The following FOCAD variants were observed in gnomAD, a reference collection of about 807,000 sequenced individuals.
FOCAD encodes KIAA1797.
A neutral mutation model predicts 225.6 loss-of-function variants in FOCAD; 198 were observed. The observed-to-expected ratio is 0.88, with a 90% confidence interval of 0.78 to 0.99. The LOEUF (loss-of-function observed/expected upper bound fraction) is 0.99, where lower values mean the gene tolerates loss of function less well. FOCAD is among the 50% of genes least tolerant of loss of function. The pLI, the probability that FOCAD is intolerant of heterozygous loss-of-function variation, is 0.00. For missense variants in FOCAD, 2,713 were observed against 2,123.6 expected, an observed-to-expected ratio of 1.28 and a Z score of -5.46; for synonymous variants, 897 against 755.0, an observed-to-expected ratio of 1.19 and a Z score of -3.08.
At position 20,819,856 on chromosome 9, in the gene FOCAD, T is replaced by C. The variant is rs2131410659; in HGVS notation, c.1516T>C (p.Tyr506His). Residue 506 changes from tyrosine (Y) to histidine (H), a missense_variant, in exon 12 of 44, where the codon TAT (tyrosine) becomes CAT (histidine). By Grantham distance (83) the Tyr-to-His change is moderately conservative. Transcript: ENST00000338382. ...KLGRPLEPIL[Y>H]NDILYTLPKL... is the part of the protein sequence containing the mutation. The stretch of plus-strand genomic sequence containing the variant: ...GGGAAGACCACTGGAACCTATATTA[T>C]ATAATGATATATTGTATACTTTACC... 5 of 1,550,358 alleles carry C rather than the reference T, an allele frequency of 3.2e-6. No individual in the cohort carries two copies. The highest frequency in any genetic ancestry group is 2.4e-5 in the East Asian group (1 of 42,154).
intron 2 of FOCAD, among the ~76,000 whole-genome samples, chr9:20,667,927 T>C (rs997868156): frequency 6.7e-6 from 1 of 149,178 alleles, no homozygotes; most frequent in African/African-American, 2.5e-5. Flanking sequence ...TGAATCATAA[T>C]TTTTTTTTTA....
rs368792149 is a variant in FOCAD at position 20,767,226 on chromosome 9, T to G, written c.699+2153T>G. ...CATTTTCTTAATCCAGTCTATCATTTTTGGACATTTGGGTTGGTTCCAAGT... is the reference window on the plus strand; with the variant it reads ...CATTTTCTTAATCCAGTCTATCATTGTTGGACATTTGGGTTGGTTCCAAGT... On this transcript the variant is annotated intron_variant, in intron 7 of 43. Coordinates refer to ENST00000338382, the MANE Select transcript of FOCAD (RefSeq NM_001375567.1). Among the ~76,000 whole-genome samples, 37 of 150,792 alleles carry G rather than the reference T, an allele frequency of 2.5e-4. 1 individual carries two copies. Among genetic ancestry groups the G allele is most frequent in the Admixed American group, 7.3e-4 (11 of 15,068 alleles).
chr9:20,959,248 G>A (rs2132443565), intron 35 of FOCAD, among the ~76,000 whole-genome samples: 1 of 152,222 alleles, frequency 6.6e-6, no homozygotes, highest in South Asian at 2.1e-4. Context: ...TGACTGGGGA[G>A]AGATGATATC....
At chr9:20,848,044 T>A (rs912823980) in intron 15 of FOCAD, among the ~76,000 whole-genome samples, 1 of 152,028 alleles carries the variant, frequency 6.6e-6, no homozygotes, top group Admixed American at 6.6e-5. Flanking sequence ...AAACTTTCTC[T>A]CTGCTCTCTG....
intron 22 of FOCAD, among the ~76,000 whole-genome samples, chr9:20,909,363 C>G (rs1331435313): frequency 6.6e-6 from 1 of 152,062 alleles, no homozygotes; most frequent in African/African-American, 2.4e-5. Flanking sequence ...AATACAGGAA[C>G]TTAACCTGAC....
At chr9:20,670,667 G>A (rs1248314504) in intron 2 of FOCAD, among the ~76,000 whole-genome samples, 1 of 152,180 alleles carries the variant, frequency 6.6e-6, no homozygotes, top group Non-Finnish European at 1.5e-5. Flanking sequence ...GACCATTTGA[G>A]ATGAGCTTTG....
rs151005243 is a variant in FOCAD, at chr9:20,967,947, A to G, written c.4133-8473A>G. ...CTGGTTTTCCTTTTTTATGATGTCT[A>G]TGATATCAGGATAATGCTGATCTCT... is the stretch of plus-strand genomic sequence containing the variant. On this transcript the variant is annotated intron_variant, in intron 35 of 43. Coordinates refer to ENST00000338382, the MANE Select transcript of FOCAD (RefSeq NM_001375567.1). Among the ~76,000 whole-genome samples, 209 of 152,238 alleles carry G rather than the reference A, an allele frequency of 1.4e-3. 1 individual carries two copies. Among genetic ancestry groups the G allele is most frequent in the African/African-American group, 4.7e-3 (194 of 41,532 alleles).
chr9:20,957,388 AT>A (rs1321649039), intron 35 of FOCAD: 2 of 150,728 alleles, frequency 1.3e-5, no homozygotes, highest in Non-Finnish European at 2.9e-5. Flanking sequence ...ACTATAGAAT[AT>A]TTCATCAAAT....
chr9:20,906,581 A>G (rs530356195), intron 21 of FOCAD, among the ~76,000 whole-genome samples: 2 of 152,020 alleles, frequency 1.3e-5, no homozygotes, highest in East Asian at 1.9e-4. Context: ...TGGTATATAT[A>G]ATTTGTCTCT....
intron 2 of FOCAD, among the ~76,000 whole-genome samples, chr9:20,670,402 T>A (rs540135921): frequency 6.6e-6 from 1 of 152,216 alleles, no homozygotes; most frequent in Non-Finnish European, 1.5e-5. Context: ...ACAAAAGAAG[T>A]TTGATTGATA....
Position 20,706,397 on chromosome 9 carries a change from A to G in FOCAD, c.-32-8925A>G, listed in dbSNP as rs185036455. On this transcript the variant is annotated intron_variant, in intron 1 of 43. Coordinates refer to ENST00000338382, the MANE Select transcript of FOCAD (RefSeq NM_001375567.1). ...ACTAAATTGTAAAGGCAGGAATTTGATAGAATTCATTGTACTTTTATTAAA... is the reference window on the plus strand; with the variant it reads ...ACTAAATTGTAAAGGCAGGAATTTGGTAGAATTCATTGTACTTTTATTAAA... Among the ~76,000 whole-genome samples the G allele has an allele frequency of 9.7e-4, 147 of 152,326 alleles. 1 individual carries two copies. Among genetic ancestry groups the G allele is most frequent in the Middle Eastern group, 3.4e-3 (1 of 294 alleles).
At position 20,765,070 on chromosome 9, in the gene FOCAD, G is replaced by T; in HGVS notation, c.696G>T (p.Leu232Phe). 6.2e-7 allele frequency: 1 copy of T among 1,612,070 alleles called. No individual in the cohort carries two copies. The highest frequency in any genetic ancestry group is 1.1e-5 in the South Asian group (1 of 90,666). The change falls in exon 7 of 44, where the codon TTG becomes TTT. Residue 232 changes from leucine (L) to phenylalanine (F), a missense_variant. Physicochemically the swap from Leu to Phe is conservative, Grantham distance 22 (BLOSUM62 0). Transcript: ENST00000338382. ...TGTGTTGTGACATAGTTCCATGTTT[G>T]CAGGTAAGGTCTTTGTCCTCCTCCA... Reference protein sequence around the residue: ...LQLCCDIVPCLQVKDLIQTTE... With the variant: ...LQLCCDIVPCFQVKDLIQTTE...
At position 20,944,754 on chromosome 9, in the gene FOCAD, C is replaced by T. The variant is rs1837018464; in HGVS notation, c.3535C>T (p.Gln1179Ter). ...TGCGCACGTAGATGACAGCGGGAGC[C>T]AGAGCAGAACGTTTCAGGAGGTAAG... ...LSAHVDDSGS[Q>*]SRTFQEVLAY... is the part of the protein sequence containing the mutation. Residue 1179 changes from glutamine to a stop codon, truncating the protein, a stop_gained, in exon 29 of 44, where the codon CAG becomes TAG. Coordinates refer to ENST00000338382, the MANE Select transcript of FOCAD (RefSeq NM_001375567.1). LOFTEE classifies it high-confidence loss of function. 3 of 1,612,980 alleles carry T rather than the reference C, an allele frequency of 1.9e-6. No homozygotes were observed. Among genetic ancestry groups the T allele is most frequent in the Non-Finnish European group, 2.5e-6 (3 of 1,179,288 alleles).
intron 2 of FOCAD, among the ~76,000 whole-genome samples, chr9:20,665,326 G>A (rs938839581): frequency 2.0e-5 from 3 of 152,126 alleles, no homozygotes; most frequent in Admixed American, 1.3e-4. Flanking sequence ...CTGGGAGGCA[G>A]TGACTCCCAG....
intron 35 of FOCAD, among the ~76,000 whole-genome samples, chr9:20,959,129 G>T (rs1838468134): frequency 1.3e-5 from 2 of 152,036 alleles, no homozygotes; most frequent in Non-Finnish European, 2.9e-5. Context: ...TTTATAGTGG[G>T]TATACTAGTT....
chr9:20,965,493 A>C (rs1198884553), intron 35 of FOCAD, among the ~76,000 whole-genome samples: 1 of 152,120 alleles, frequency 6.6e-6, no homozygotes, highest in East Asian at 1.9e-4. Context: ...TTTTCTTCTA[A>C]AGACTCATCC....
intron 11 of FOCAD, 130 bp from the exon 12 acceptor site, chr9:20,819,666 T>C (rs1184798774): frequency 2.2e-6 from 1 of 452,428 alleles, no homozygotes; most frequent in Non-Finnish European, 3.9e-6. Context: ...AATAGCTAAC[T>C]GATATATTCT....
intron 32 of FOCAD, 32 bp downstream of exon 32, chr9:20,948,960 C>A: frequency 6.3e-7 from 1 of 1,586,638 alleles, no homozygotes; most frequent in Non-Finnish European, 8.7e-7. Context: ...GGGAAGACAT[C>A]TAAATATGTA....
chr9:20,741,666 G>A (rs797004955), intron 5 of FOCAD, among the ~76,000 whole-genome samples: 5 of 136,924 alleles, frequency 3.7e-5, no homozygotes, highest in African/African-American at 1.3e-4. Flanking sequence ...TTTCCAAATC[G>A]GTAAATATGC....
Sources: gnomAD v4.1 joint callset for allele counts (sites outside exome capture counted in the v4.1 genomes callset) on GRCh38, gnomAD v4.1.1 for gene constraint, MANE v1.5 for transcripts, NCBI Gene and HGNC (gene_info 2026-07-23, HGNC 2026-07-21) for gene names.